GLIS3: variants seen among roughly 807,000 people sequenced by gnomAD.
The protein encoded by GLIS3 is zinc finger protein GLIS3.
GLIS3 carries 53 observed loss-of-function variants against 78.6 expected under a neutral mutation model. The ratio of observed to expected loss-of-function variants is 0.67; its 90% CI spans 0.54 to 0.85. The LOEUF is 0.85. Among genes scored for constraint, GLIS3 ranks in the 40% least tolerant of loss-of-function variants. GLIS3 has a pLI of 0.00. For synonymous variants in GLIS3, 684 were observed against 509.9 expected (o/e 1.34, Z -4.60); for missense variants, 1,703 against 1,231.1 (o/e 1.38, Z -5.74).
At chr9:4,433,246 A>G in the GLIS3 span, among the ~76,000 whole-genome samples, 1 of 152,158 alleles carries the variant, frequency 6.6e-6, no homozygotes, top group South Asian at 2.1e-4. Context: ...AGCCTGGCCA[A>G]TATGTTGAAA....
intron 2 of GLIS3, among the ~76,000 whole-genome samples, chr9:4,190,546 C>G (rs202149879): frequency 3.5e-5 from 3 of 86,458 alleles, no homozygotes; most frequent in Middle Eastern, 5.9e-3. Flanking sequence ...AAGACCAAGT[C>G]TACGTCTGAT....
At chr9:3,877,377 A>G (rs533786399) in intron 8 of GLIS3, among the ~76,000 whole-genome samples, 13 of 152,318 alleles carry the variant, frequency 8.5e-5, no homozygotes, top group African/African-American at 2.9e-4. Flanking sequence ...TTGTGGGAGG[A>G]GGCTAATGAT....
chr9:4,057,447 G>A (rs940346875), intron 4 of GLIS3, among the ~76,000 whole-genome samples: 2 of 151,970 alleles, frequency 1.3e-5, no homozygotes, highest in Admixed American at 6.6e-5. Context: ...CACAAAAACA[G>A]GTAACAATGC....
chr9:4,421,747 A>G, the GLIS3 span, among the ~76,000 whole-genome samples: 2 of 152,204 alleles, frequency 1.3e-5, no homozygotes, highest in Admixed American at 6.5e-5. Context: ...CCTTTCTTCC[A>G]TTCACAAATA....
chr9:4,363,248 C>T, the GLIS3 span, among the ~76,000 whole-genome samples: 1 of 152,052 alleles, frequency 6.6e-6, no homozygotes, highest in African/African-American at 2.4e-5. Context: ...CATGGTAAAA[C>T]CCCGTCTCTA....
intron 4 of GLIS3, among the ~76,000 whole-genome samples, chr9:4,090,886 GCA>G (rs1425025226): frequency 3.3e-5 from 5 of 152,186 alleles, no homozygotes; most frequent in African/African-American, 1.2e-4. Context: ...TTCATGCATA[GCA>G]CAGTCGTTAC....
chr9:4,199,918 G>C (rs989212489), intron 2 of GLIS3, among the ~76,000 whole-genome samples: 2 of 152,088 alleles, frequency 1.3e-5, no homozygotes, highest in Admixed American at 6.6e-5. Context: ...TATAAAGCAA[G>C]TCACAATAAA....
At chr9:3,874,718 T>A (rs1397921947) in intron 8 of GLIS3, among the ~76,000 whole-genome samples, 8 of 152,242 alleles carry the variant, frequency 5.3e-5, no homozygotes. Context: ...GCATGCTTAG[T>A]GGGCTGGGGG....
In GLIS3 at chr9:3,997,236, C is replaced by T. The variant is rs550907066; in HGVS notation, c.1711-60047G>A. 4.6e-5 allele frequency among the ~76,000 whole-genome samples: 7 copies of T among 152,228 alleles called. No homozygotes were observed. In the South Asian group the frequency reaches 8.3e-4, roughly 18 times the overall value. On this transcript the variant is annotated intron_variant, in intron 4 of 10. Coordinates refer to ENST00000381971, the MANE Select transcript of GLIS3 (RefSeq NM_001042413.2). Reference sequence around the variant, plus strand: ...TGGTGCATGCCTGTAATCCCAGCTACTCGGGAGGCTGAGGCCGGAGAATCG... The same window carrying T: ...TGGTGCATGCCTGTAATCCCAGCTATTCGGGAGGCTGAGGCCGGAGAATCG...
chr9:4,393,984 C>A, the GLIS3 span, among the ~76,000 whole-genome samples: 1 of 151,916 alleles, frequency 6.6e-6, no homozygotes, highest in Admixed American at 6.6e-5. Context: ...AAAACTGAAA[C>A]AGAAAATGGT....
At chr9:4,329,286 T>C (rs557323414) in intron 2 of GLIS3, among the ~76,000 whole-genome samples, 1 of 152,200 alleles carries the variant, frequency 6.6e-6, no homozygotes, top group Non-Finnish European at 1.5e-5. Flanking sequence ...GTGTGTGCAG[T>C]GCCATTTTTT....
chr9:3,956,028 CA>C (rs5896037), intron 4 of GLIS3, among the ~76,000 whole-genome samples: 20,626 of 87,750 alleles, frequency 0.24, 1,126 homozygotes, highest in African/African-American at 0.33. Context: ...CCAGATTCAG[CA>C]AAAAAAAAAA....
chr9:4,123,781 TG>T (rs1832364724), intron 3 of GLIS3: 1 of 398,176 alleles, frequency 2.5e-6, no homozygotes, highest in Admixed American at 4.4e-5. Flanking sequence ...TGGTCGTCTC[TG>T]GGGACAGAAT....
the GLIS3 span, among the ~76,000 whole-genome samples, chr9:4,353,836 G>A: frequency 6.6e-6 from 1 of 152,072 alleles, no homozygotes; most frequent in African/African-American, 2.4e-5. Context: ...GTTTCCCACA[G>A]TCTCCTCTGA....
chr9:4,176,562 A>G (rs960272476), intron 2 of GLIS3, among the ~76,000 whole-genome samples: 1 of 151,780 alleles, frequency 6.6e-6, no homozygotes, highest in Non-Finnish European at 1.5e-5. Flanking sequence ...AATTTTTTTC[A>G]CTATTAAAAA....
At chr9:4,048,247 AGTAAATG>A (rs1417953914) in intron 4 of GLIS3, among the ~76,000 whole-genome samples, 1 of 152,218 alleles carries the variant, frequency 6.6e-6, no homozygotes, top group Admixed American at 6.5e-5. Flanking sequence ...AACCAAGGAA[AGTAAATG>A]GTATTTTTAA....
chr9:4,303,478 ATT>A (rs1475567059), upstream of GLIS3, among the ~76,000 whole-genome samples: 1 of 152,136 alleles, frequency 6.6e-6, no homozygotes, highest in East Asian at 1.9e-4. Context: ...ACTTAAGCTG[ATT>A]TTTCTACTAA....
At chr9:4,018,166 G>C (rs1002230031) in intron 4 of GLIS3, among the ~76,000 whole-genome samples, 1 of 152,224 alleles carries the variant, frequency 6.6e-6, no homozygotes, top group Non-Finnish European at 1.5e-5. Flanking sequence ...AGAAAGGAAA[G>C]GAGGTAGGAA....
chr9:4,179,904 T>C (rs891722696), intron 2 of GLIS3, among the ~76,000 whole-genome samples: 9 of 115,518 alleles, frequency 7.8e-5, no homozygotes, highest in African/African-American at 2.6e-4. Context: ...AGCGAGACTC[T>C]GTCTCAAAAA....
Sources: allele counts gnomAD v4.1 joint callset (sites outside exome capture counted in the v4.1 genomes callset), GRCh38; gene constraint gnomAD v4.1.1; transcripts MANE v1.5; gene names NCBI Gene and HGNC (gene_info 2026-07-23, HGNC 2026-07-21).